Variants in TTC39B observed in about 807,000 individuals in gnomAD.
The protein encoded by TTC39B is tetratricopeptide repeat domain 39B.
In TTC39B, 92 loss-of-function variants were observed where a neutral mutation model predicts 96.6. The observed-to-expected ratio is 0.95, with a 90% confidence interval of 0.80 to 1.13. The LOEUF is 1.13. Ranked by LOEUF, TTC39B falls within the 50% of genes most tolerant of loss-of-function variation. TTC39B has a pLI of 0.00. For synonymous variants in TTC39B, 367 were observed against 299.4 expected, an observed-to-expected ratio of 1.23 and a Z score of -2.33; for missense variants, 955 against 809.3, an observed-to-expected ratio of 1.18 and a Z score of -2.18.
rs76437780 is a variant in TTC39B, at chr9:15,277,617, G to A, written c.241-9669C>T. On this transcript the variant is annotated intron_variant, in intron 1 of 19. Transcript: ENST00000512701. ...CATTGGAAGACACAGTGAGACCTTG[G>A]CCAACACACTCTATTTCTCAGGGCT... 3.3e-3 allele frequency among the ~76,000 whole-genome samples: 506 copies of A among 152,148 alleles called. 2 individuals are homozygous for A. Among genetic ancestry groups the A allele is most frequent in the African/African-American group, 0.012 (483 of 41,502 alleles).
At chr9:15,260,316 C>T (rs1267484219) in intron 2 of TTC39B, among the ~76,000 whole-genome samples, 1 of 142,576 alleles carries the variant, frequency 7.0e-6, no homozygotes, top group African/African-American at 2.6e-5. Context: ...TATAAGATAA[C>T]AATATGAATG....
chr9:15,252,387 G>A (rs751800056), intron 2 of TTC39B, among the ~76,000 whole-genome samples: 7 of 152,176 alleles, frequency 4.6e-5, no homozygotes, highest in Non-Finnish European at 1.0e-4. Flanking sequence ...AGTGGCTCAC[G>A]CCTGTAATCC....
chr9:15,172,100 G>A lies in TTC39B; in HGVS notation c.1968C>T (p.Tyr656=), dbSNP rs761074525. 9 of 1,611,614 alleles carry A rather than the reference G, an allele frequency of 5.6e-6. No individual in the cohort carries two copies. The African/African-American group carries it at 1.2e-4, about 22-fold the overall frequency. Residue 656 remains tyrosine (Y), a synonymous_variant, in exon 20 of 20, where the codon TAC becomes TAT. Transcript: ENST00000512701. ...GTCTGGACTCCAGGGAGTAATCTTT[G>A]TAGTTGTTCCTGAAGACAATAACAA...
chr9:15,280,868 C>T (rs1300702395), intron 1 of TTC39B, among the ~76,000 whole-genome samples: 5 of 152,142 alleles, frequency 3.3e-5, no homozygotes, highest in African/African-American at 1.2e-4. Flanking sequence ...CTCAGGGCTC[C>T]CCCTACCATT....
exon 5 of TTC39B, chr9:15,211,320 T>C: frequency 3.1e-6 from 5 of 1,594,496 alleles, no homozygotes; most frequent in Non-Finnish European, 4.3e-6. Context: ...CTGGATGTCC[T>C]GTTGCTCGAA....
chr9:15,230,534 C>A (rs1564369612), intron 2 of TTC39B, among the ~76,000 whole-genome samples: 1 of 152,174 alleles, frequency 6.6e-6, no homozygotes, highest in African/African-American at 2.4e-5. Flanking sequence ...AAGATTCATT[C>A]ATGTGGTATC....
intron 13 of TTC39B, 105 bp downstream of exon 13, chr9:15,189,468 GT>G: frequency 8.6e-7 from 1 of 1,168,044 alleles, no homozygotes; most frequent in Non-Finnish European, 1.2e-6. Flanking sequence ...TTTTTGTCTA[GT>G]CCATATAGCC....
intron 2 of TTC39B, among the ~76,000 whole-genome samples, chr9:15,257,858 G>C (rs973895570): frequency 6.6e-6 from 1 of 151,852 alleles, no homozygotes; most frequent in Non-Finnish European, 1.5e-5. Context: ...TCGGGAGTTC[G>C]AGACCAGCCT....
In TTC39B at chr9:15,187,957, G is replaced by A. The variant is rs749816683; in HGVS notation, c.1395+14C>T. 2 of 1,558,176 alleles carry A rather than the reference G, an allele frequency of 1.3e-6. No homozygotes were observed. The highest frequency in any genetic ancestry group is 2.8e-5 in the African/African-American group (2 of 72,498). ...TAGCAAACAGATGACATTAATGAAA[G>A]TATTGCACTTTACCTTGGACCATTT... On this transcript the variant is annotated intron_variant, in intron 14 of 19. Transcript: ENST00000512701.
At position 15,226,040 on chromosome 9, in the gene TTC39B, T is replaced by C. The variant is rs766311241; in HGVS notation, c.276-28A>G. The C allele has an allele frequency of 3.7e-6, 6 of 1,604,118 alleles. No homozygotes were observed. The South Asian group carries it at 5.5e-5, about 15-fold the overall frequency. On this transcript the variant is annotated intron_variant, in intron 2 of 19. Coordinates refer to ENST00000512701, the Ensembl canonical transcript of TTC39B. ...GTTAATTAAAAAGGCAGAGCAAGGT[T>C]TTTTATTTCTTTGTCCTGTGAGAAA...
chr9:15,242,447 G>T (rs1822086991), intron 2 of TTC39B, among the ~76,000 whole-genome samples: 1 of 152,156 alleles, frequency 6.6e-6, no homozygotes. Flanking sequence ...GCCAGGCCTG[G>T]TGGTGCATAC....
At chr9:15,294,845 C>T (rs1180796120) in intron 1 of TTC39B, among the ~76,000 whole-genome samples, 1 of 152,164 alleles carries the variant, frequency 6.6e-6, no homozygotes, top group Non-Finnish European at 1.5e-5. Flanking sequence ...AACTTCTGGG[C>T]CCCCCACGAT....
rs560724950 is a variant in TTC39B at position 15,242,315 on chromosome 9, C to G, written c.276-16303G>C. On this transcript the variant is annotated intron_variant, in intron 2 of 19. Coordinates refer to ENST00000512701, the Ensembl canonical transcript of TTC39B. ...GGGAAATGCAGGCTGGGCACAGTGG[C>G]TCATGCCTGTAATCCCAGCATTTTG... is the stretch of plus-strand genomic sequence containing the variant. Among the ~76,000 whole-genome samples the G allele has an allele frequency of 1.3e-3, 194 of 152,304 alleles. 1 individual carries two copies. The Middle Eastern group carries it at 0.027, about 21-fold the overall frequency.
Position 15,185,307 on chromosome 9 carries a change from T to G in TTC39B, c.1587A>C (p.Ala529=), listed in dbSNP as rs1043079899. The change falls in exon 16 of 20, where the codon GCA becomes GCC. Residue 529 remains alanine, a synonymous_variant. Transcript: ENST00000512701. The stretch of plus-strand genomic sequence containing the variant: ...GGGCAGGTAAGATGAGCTTCACAGG[T>G]GCAGGTAAGGAGGCGGAGTAACGCC... The G allele has an allele frequency of 8.1e-6, 13 of 1,613,292 alleles. No individual in the cohort carries two copies. In the African/African-American group the frequency reaches 1.6e-4, roughly 20 times the overall value.
chr9:15,238,014 G>A (rs552081782), intron 2 of TTC39B, among the ~76,000 whole-genome samples: 17 of 152,022 alleles, frequency 1.1e-4, no homozygotes, highest in Admixed American at 2.6e-4. Flanking sequence ...AACAAAAACC[G>A]TATGATTATC....
chr9:15,180,096 C>A (rs893633903), intron 17 of TTC39B, among the ~76,000 whole-genome samples: 1 of 152,102 alleles, frequency 6.6e-6, no homozygotes, highest in African/African-American at 2.4e-5. Flanking sequence ...GATAAAGCTA[C>A]TAGAGTACAA....
intron 1 of TTC39B, among the ~76,000 whole-genome samples, chr9:15,281,625 CAAAAAAAAAA>C (rs1161175672): frequency 1.2e-4 from 6 of 49,008 alleles, no homozygotes; most frequent in South Asian, 8.3e-4. Context: ...CCTGCAACAG[CAAAAAAAAAA>C]AAAAAAAAAA....
intron 2 of TTC39B, among the ~76,000 whole-genome samples, chr9:15,251,714 T>TATAC (rs1218245667): frequency 9.6e-5 from 9 of 93,710 alleles, no homozygotes; most frequent in Non-Finnish European, 5.7e-5. Flanking sequence ...TATATATATA[T>TATAC]ATATATATAT....
chr9:15,298,186 G>A (rs1824449456), intron 1 of TTC39B, among the ~76,000 whole-genome samples: 1 of 152,140 alleles, frequency 6.6e-6, no homozygotes, highest in Non-Finnish European at 1.5e-5. Context: ...TCCAGAACTT[G>A]CACCTGTAGT....
Sources: allele counts gnomAD v4.1 joint callset (sites outside exome capture counted in the v4.1 genomes callset), GRCh38; gene constraint gnomAD v4.1.1; transcripts MANE v1.5; gene names NCBI Gene and HGNC (gene_info 2026-07-23, HGNC 2026-07-21).